The following LEF1 variants were observed in gnomAD, a reference collection of about 807,000 sequenced individuals.
LEF1 encodes the protein lymphoid enhancer binding factor 1, also known as lymphoid enhancer-binding factor 1.
In LEF1, 14 loss-of-function variants were observed where a neutral mutation model predicts 51.2. The observed-to-expected ratio is 0.27, with a 90% confidence interval of 0.18 to 0.43. LEF1 has a LOEUF of 0.43. Among genes scored for constraint, LEF1 ranks in the 20% least tolerant of loss-of-function variants. The pLI is 1.00. For missense variants in LEF1, 386 were observed against 512.0 expected, an observed-to-expected ratio of 0.75 and a Z score of 2.37; for synonymous variants, 185 against 183.2, an observed-to-expected ratio of 1.01 and a Z score of -0.08.
At chr4:108,105,325 C>T (rs1334572573) in intron 3 of LEF1, among the ~76,000 whole-genome samples, 5 of 151,886 alleles carry the variant, frequency 3.3e-5, no homozygotes, top group East Asian at 1.9e-4. Context: ...GGACTACAGA[C>T]GTGTGCCACC....
At chr4:108,086,653 G>GC (rs1739664539) in intron 4 of LEF1, among the ~76,000 whole-genome samples, 1 of 152,162 alleles carries the variant, frequency 6.6e-6, no homozygotes, top group Non-Finnish European at 1.5e-5. Context: ...TACGGAAAAT[G>GC]CCTGGAGCAA....
chr4:108,072,755 G>A (rs1201111169), intron 8 of LEF1: 2 of 152,152 alleles, frequency 1.3e-5, no homozygotes, highest in Admixed American at 6.5e-5. Flanking sequence ...CTGTGTCTGG[G>A]GCAGCAGCAG....
At chr4:108,058,179 TTA>T (rs1311135484) in intron 11 of LEF1, among the ~76,000 whole-genome samples, 1 of 152,152 alleles carries the variant, frequency 6.6e-6, no homozygotes, top group African/African-American at 2.4e-5. Flanking sequence ...CAGCCTTTTT[TTA>T]TCTTTTAAAA....
intron 3 of LEF1, among the ~76,000 whole-genome samples, chr4:108,126,682 T>C (rs1488744344): frequency 6.6e-6 from 1 of 151,244 alleles, no homozygotes; most frequent in African/African-American, 2.4e-5. Flanking sequence ...TGCATGCCTG[T>C]AGTTTTCAGC....
chr4:108,142,143 A>T (rs1381418434), intron 3 of LEF1, among the ~76,000 whole-genome samples: 1 of 152,214 alleles, frequency 6.6e-6, no homozygotes, highest in African/African-American at 2.4e-5. Context: ...TTTGGTCTGA[A>T]GACTTTGCAG....
intron 11 of LEF1, among the ~76,000 whole-genome samples, chr4:108,051,706 C>T (rs1180713405): frequency 6.6e-6 from 1 of 152,276 alleles, no homozygotes; most frequent in Non-Finnish European, 1.5e-5. Context: ...GATGCAAAGG[C>T]GGCACAAGAC....
intron 11 of LEF1, among the ~76,000 whole-genome samples, chr4:108,060,037 CTAG>C (rs556341955): frequency 2.4e-3 from 371 of 152,278 alleles, no homozygotes; most frequent in Non-Finnish European, 4.9e-3. Flanking sequence ...GAGGTCAGCA[CTAG>C]TATGACTGTA....
At chr4:108,069,714 T>C (rs918695528) in intron 9 of LEF1, among the ~76,000 whole-genome samples, 3 of 152,118 alleles carry the variant, frequency 2.0e-5, no homozygotes, top group Non-Finnish European at 2.9e-5. Flanking sequence ...CCCAGCACTT[T>C]GGGAGGCAGA....
intron 3 of LEF1, among the ~76,000 whole-genome samples, chr4:108,158,082 G>A (rs1445789107): frequency 6.6e-6 from 1 of 151,388 alleles, no homozygotes; most frequent in African/African-American, 2.4e-5. Context: ...TTGTTCTCTA[G>A]GATATTTTAA....
At chr4:108,112,708 T>A (rs1289256826) in intron 3 of LEF1, among the ~76,000 whole-genome samples, 1 of 152,198 alleles carries the variant, frequency 6.6e-6, no homozygotes. Context: ...GTTAACTAGA[T>A]AAAATGTAAA....
chr4:108,118,934 A>AT (rs924316967), intron 3 of LEF1, among the ~76,000 whole-genome samples: 22 of 149,256 alleles, frequency 1.5e-4, no homozygotes, highest in East Asian at 5.9e-4. Flanking sequence ...CTTTCTAACT[A>AT]TTTTTTTTTC....
chr4:108,050,831 C>T (rs1004500329), intron 11 of LEF1, among the ~76,000 whole-genome samples: 3 of 152,092 alleles, frequency 2.0e-5, no homozygotes, highest in Non-Finnish European at 2.9e-5. Context: ...CCTGGCACAG[C>T]GAACTGTGAA....
At chr4:108,126,225 T>C (rs1173798778) in intron 3 of LEF1, among the ~76,000 whole-genome samples, 1 of 152,154 alleles carries the variant, frequency 6.6e-6, no homozygotes, top group Non-Finnish European at 1.5e-5. Flanking sequence ...AGAGATTTCA[T>C]GGATATTTTT....
chr4:108,085,490 T>C (rs1021786301), intron 4 of LEF1, among the ~76,000 whole-genome samples: 1 of 152,242 alleles, frequency 6.6e-6, no homozygotes, highest in Non-Finnish European at 1.5e-5. Context: ...CACTGGGACA[T>C]GGAGAGGTAA....
At chr4:108,074,720 G>C (rs1738731049) in intron 8 of LEF1, among the ~76,000 whole-genome samples, 1 of 152,186 alleles carries the variant, frequency 6.6e-6, no homozygotes, top group African/African-American at 2.4e-5. Flanking sequence ...CCTATAAATA[G>C]AAACAGGTGT....
At chr4:108,129,657 G>A (rs1379432458) in intron 3 of LEF1, among the ~76,000 whole-genome samples, 1 of 152,120 alleles carries the variant, frequency 6.6e-6, no homozygotes, top group Admixed American at 6.5e-5. Context: ...CATAAACAAC[G>A]AAACTAAGGT....
intron 3 of LEF1, among the ~76,000 whole-genome samples, chr4:108,103,242 T>C (rs1740939850): frequency 6.6e-6 from 1 of 152,226 alleles, no homozygotes; most frequent in Non-Finnish European, 1.5e-5. Context: ...GTTTATGTTT[T>C]AGAAATGTTT....
intron 10 of LEF1, among the ~76,000 whole-genome samples, chr4:108,064,108 G>A (rs1737890670): frequency 6.6e-6 from 1 of 152,134 alleles, no homozygotes; most frequent in Admixed American, 6.5e-5. Flanking sequence ...TTACAACCAG[G>A]ATTCCAGGTG....
rs543975815 is a variant in LEF1, at chr4:108,070,609, C to T, written c.1116+54G>A. 2.7e-4 allele frequency: 328 copies of T among 1,205,540 alleles called. 1 individual carries two copies. The highest frequency in any genetic ancestry group is 3.7e-4 in the Non-Finnish European group (297 of 812,372). The allele number at this position is 1,205,540 out of a possible 1,614,324, so 74.7% of individuals were successfully genotyped here. A position where few individuals can be genotyped will look rare whatever the true frequency, so the allele number is the denominator to read the frequency against. The stretch of plus-strand genomic sequence containing the variant: ...CTAAAACACATTTCCTTCTTGAACG[C>T]AAAAGAGCGAATGAGTGAGAGTGGA... On this transcript the variant is annotated intron_variant, in intron 9 of 11. Transcript: ENST00000265165.
Sources: allele counts gnomAD v4.1 joint callset (sites outside exome capture counted in the v4.1 genomes callset), GRCh38; gene constraint gnomAD v4.1.1; transcripts MANE v1.5; gene names NCBI Gene and HGNC (gene_info 2026-07-23, HGNC 2026-07-21).